GRM7: variants seen among roughly 807,000 people sequenced by gnomAD.
The protein encoded by GRM7 is glutamate metabotropic receptor 7.
GRM7 carries 35 observed loss-of-function variants against 84.5 expected under a neutral mutation model. The ratio of observed to expected loss-of-function variants is 0.41; its 90% CI spans 0.32 to 0.55. The LOEUF is 0.55. GRM7 is among the 20% of genes least tolerant of loss of function. GRM7 has a pLI of 0.19. For synonymous variants in GRM7, 487 were observed against 455.1 expected, an observed-to-expected ratio of 1.07 and a Z score of -0.89; for missense variants, 1,003 against 1,194.6, an observed-to-expected ratio of 0.84 and a Z score of 2.36.
At chr3:7,449,214 G>A (rs1697659910) in intron 5 of GRM7, among the ~76,000 whole-genome samples, 1 of 151,952 alleles carries the variant, frequency 6.6e-6, no homozygotes, top group Non-Finnish European at 1.5e-5. Context: ...AATGATTCAT[G>A]AAAAATAACA....
chr3:6,932,687 GT>G (rs1195083773), intron 1 of GRM7, among the ~76,000 whole-genome samples: 1 of 145,860 alleles, frequency 6.9e-6, no homozygotes, highest in Non-Finnish European at 1.5e-5. Context: ...TCCAGTTGAA[GT>G]TTTTTAGAAA....
chr3:7,170,532 T>C (rs1398337984), intron 2 of GRM7, among the ~76,000 whole-genome samples: 2 of 152,168 alleles, frequency 1.3e-5, no homozygotes, highest in East Asian at 3.9e-4. Context: ...GTGGTTTAAT[T>C]TTGAAGCAAA....
intron 2 of GRM7, among the ~76,000 whole-genome samples, chr3:7,229,759 A>ATATATATTT (rs1434216248): frequency 3.6e-4 from 11 of 30,406 alleles, no homozygotes; most frequent in African/African-American, 6.3e-4. Context: ...ATATATATAT[A>ATATATATTT]TTTTTTTTTT....
intron 6 of GRM7, among the ~76,000 whole-genome samples, chr3:7,457,818 G>A (rs1698081493): frequency 6.6e-6 from 1 of 152,098 alleles, no homozygotes; most frequent in Admixed American, 6.6e-5. Flanking sequence ...ACATATTCTG[G>A]CTACAACCCC....
chr3:6,919,977 T>C (rs1331860442), intron 1 of GRM7, among the ~76,000 whole-genome samples: 1 of 152,152 alleles, frequency 6.6e-6, no homozygotes, highest in Non-Finnish European at 1.5e-5. Context: ...ATTAAGCAAA[T>C]GTTTGCCATA....
intron 1 of GRM7, among the ~76,000 whole-genome samples, chr3:6,875,059 A>G (rs930594004): frequency 6.6e-6 from 1 of 152,148 alleles, no homozygotes; most frequent in African/African-American, 2.4e-5. Flanking sequence ...TATGCTTTTC[A>G]TCTGGCAGGA....
At chr3:7,078,911 G>T (rs1005442550) in intron 1 of GRM7, among the ~76,000 whole-genome samples, 3 of 150,786 alleles carry the variant, frequency 2.0e-5, no homozygotes, top group Non-Finnish European at 4.4e-5. Context: ...ATATTAGAAT[G>T]AGGTAGGGAC....
At chr3:7,685,974 T>A (rs906647995) in intron 9 of GRM7, among the ~76,000 whole-genome samples, 3 of 152,180 alleles carry the variant, frequency 2.0e-5, no homozygotes, top group African/African-American at 7.2e-5. Flanking sequence ...CAACATTATG[T>A]TACTTGTTTC....
intron 4 of GRM7, among the ~76,000 whole-genome samples, chr3:7,351,339 G>GAAA (rs768248079): frequency 0.054 from 2,407 of 44,708 alleles, 217 homozygotes; most frequent in Non-Finnish European, 0.06. Context: ...TCCCACAGGC[G>GAAA]AAAAAAAAAA....
chr3:7,060,990 A>G (rs981224014), intron 1 of GRM7, among the ~76,000 whole-genome samples: 2 of 151,810 alleles, frequency 1.3e-5, no homozygotes, highest in African/African-American at 2.4e-5. Context: ...CCTTTTCCCA[A>G]GCTATTTCTG....
intron 4 of GRM7, among the ~76,000 whole-genome samples, chr3:7,333,955 A>G (rs1173648837): frequency 6.6e-6 from 1 of 151,906 alleles, no homozygotes; most frequent in Non-Finnish European, 1.5e-5. Context: ...CCCCTAAGAA[A>G]TTTGGGATTA....
rs574242446 is a variant in GRM7, at chr3:7,526,162, T to A, written c.1516-52260T>A. 3.3e-5 allele frequency among the ~76,000 whole-genome samples: 5 copies of A among 152,234 alleles called. 1 individual carries two copies. The South Asian group carries it at 1.0e-3, about 32-fold the overall frequency. On this transcript the variant is annotated intron_variant, in intron 7 of 9. Coordinates refer to ENST00000357716, the MANE Select transcript of GRM7 (RefSeq NM_000844.4). The stretch of plus-strand genomic sequence containing the variant: ...GTGTCTGAACTAATCATGCCAACAG[T>A]GTATAAGTGTTCCCTTTTCTCTGCA...
intron 8 of GRM7, among the ~76,000 whole-genome samples, chr3:7,615,905 A>C (rs1460825933): frequency 6.6e-6 from 1 of 151,998 alleles, no homozygotes; most frequent in African/African-American, 2.4e-5. Flanking sequence ...ATTACATATA[A>C]GCATATAACG....
At chr3:7,138,916 T>C (rs984013678) in intron 1 of GRM7, among the ~76,000 whole-genome samples, 24 of 151,174 alleles carry the variant, frequency 1.6e-4, no homozygotes, top group African/African-American at 5.6e-4. Context: ...CAAAAAGATA[T>C]TAAAGGCATA....
intron 1 of GRM7, among the ~76,000 whole-genome samples, chr3:6,926,935 T>C (rs1167856934): frequency 6.6e-6 from 1 of 152,216 alleles, no homozygotes; most frequent in Non-Finnish European, 1.5e-5. Context: ...ATGTAAATCA[T>C]TGAGCCAAAA....
At chr3:6,956,533 C>A in intron 1 of GRM7, 1 of 455,136 alleles carries the variant, frequency 2.2e-6, no homozygotes, top group Admixed American at 2.4e-5. Context: ...ATTTCTGTGG[C>A]ATATTTTCCA....
intron 7 of GRM7, among the ~76,000 whole-genome samples, chr3:7,471,063 A>C (rs1698680947): frequency 1.3e-5 from 2 of 151,822 alleles, no homozygotes; most frequent in Non-Finnish European, 2.9e-5. Context: ...TTTATTTAAA[A>C]AAAGTAAAAT....
In GRM7 at chr3:7,184,847, C is replaced by T. The variant is rs980142057; in HGVS notation, c.736+38179C>T. Among the ~76,000 whole-genome samples, 4 of 151,990 alleles carry T rather than the reference C, an allele frequency of 2.6e-5. No individual in the cohort carries two copies. In the South Asian group the frequency reaches 6.2e-4, roughly 24 times the overall value. On this transcript the variant is annotated intron_variant, in intron 2 of 9. Transcript: ENST00000357716. ...TGTTGATATATTTCCATTTCACTCT[C>T]GTGTTTATAATGATTGTTGTTCTAT...
intron 7 of GRM7, chr3:7,520,285 A>T (rs1700546297): frequency 6.6e-6 from 1 of 152,176 alleles, no homozygotes; most frequent in African/African-American, 2.4e-5. Context: ...GGAGCCCTAA[A>T]GGAAAGGCAG....
Sources: gnomAD v4.1 joint callset for allele counts (sites outside exome capture counted in the v4.1 genomes callset) on GRCh38, gnomAD v4.1.1 for gene constraint, MANE v1.5 for transcripts, NCBI Gene and HGNC (gene_info 2026-07-23, HGNC 2026-07-21) for gene names.